The following IGF2R variants were observed in gnomAD, a reference collection of about 807,000 sequenced individuals.
IGF2R encodes the protein cation-independent mannose-6-phosphate receptor.
IGF2R carries 91 observed loss-of-function variants against 270.6 expected under a neutral mutation model. The observed-to-expected ratio is 0.34, with a 90% CI of 0.28 to 0.40. The LOEUF (loss-of-function observed/expected upper bound fraction) is 0.40, where lower values mean the gene tolerates loss of function less well. IGF2R is among the 10% of genes least tolerant of loss of function. The probability of loss-of-function intolerance (pLI) is 1.00; values close to 1 mark genes in which losing one functional copy is unlikely to be tolerated. For missense variants in IGF2R, 2,805 were observed against 3,188.3 expected, an observed-to-expected ratio of 0.88 and a Z score of 2.90; for synonymous variants, 1,316 against 1,258.9, an observed-to-expected ratio of 1.05 and a Z score of -0.96.
chr6:160,000,753 T>TG (rs1562337979), intron 2 of IGF2R, among the ~76,000 whole-genome samples: 10 of 138,126 alleles, frequency 7.2e-5, no homozygotes, highest in African/African-American at 2.4e-4. Context: ...TTTTTTTTTT[T>TG]GAGACAGAAT....
At chr6:160,012,720 G>A (rs1442818853) in intron 4 of IGF2R, among the ~76,000 whole-genome samples, 1 of 148,486 alleles carries the variant, frequency 6.7e-6, no homozygotes, top group Non-Finnish European at 1.5e-5. Context: ...GGGATTACAG[G>A]CATGAGCCAC....
At chr6:160,077,642 G>A (rs1778882750) in intron 36 of IGF2R, among the ~76,000 whole-genome samples, 1 of 152,214 alleles carries the variant, frequency 6.6e-6, no homozygotes, top group African/African-American at 2.4e-5. Flanking sequence ...CATTTTCAAT[G>A]GAAGTACTTT....
chr6:160,041,540 TG>T (rs768970349), intron 11 of IGF2R, among the ~76,000 whole-genome samples: 15 of 152,094 alleles, frequency 9.9e-5, no homozygotes, highest in Non-Finnish European at 1.9e-4. Flanking sequence ...CAAACCACCA[TG>T]GCACATGTAT....
At chr6:160,060,412 C>G (rs183466917) in intron 22 of IGF2R, 135 bp from the exon 23 acceptor site, 2 of 782,812 alleles carry the variant, frequency 2.6e-6, no homozygotes, top group Non-Finnish European at 4.3e-6. Context: ...ACTTGGTGCC[C>G]TGGTGTCATT....
At chr6:160,027,341 G>C in intron 6 of IGF2R, 27 bp downstream of exon 6, 2 of 1,590,338 alleles carry the variant, frequency 1.3e-6, no homozygotes, top group South Asian at 1.1e-5. Flanking sequence ...GATGCTGTTG[G>C]CGTTTTTAAT....
intron 4 of IGF2R, among the ~76,000 whole-genome samples, chr6:160,022,110 A>G (rs1225575985): frequency 1.3e-5 from 2 of 152,072 alleles, no homozygotes; most frequent in African/African-American, 4.8e-5. Flanking sequence ...ATATTGGTGG[A>G]ACTTGAGGCC....
intron 2 of IGF2R, among the ~76,000 whole-genome samples, chr6:160,007,938 T>G (rs1784269454): frequency 1.3e-5 from 2 of 152,250 alleles, no homozygotes; most frequent in Admixed American, 1.3e-4. Context: ...GAAGTTTGGA[T>G]TTTGATGTTT....
intron 1 of IGF2R, among the ~76,000 whole-genome samples, chr6:159,980,199 GAAA>G (rs1783764135): frequency 1.3e-5 from 1 of 76,330 alleles, no homozygotes; most frequent in African/African-American, 5.6e-5. Context: ...AAGAAAGAAA[GAAA>G]GAAAGAAAGA....
At chr6:160,032,467 T>C in intron 7 of IGF2R, 84 bp from the exon 8 acceptor site, 3 of 1,296,138 alleles carry the variant, frequency 2.3e-6, no homozygotes, top group Non-Finnish European at 3.2e-6. Context: ...CAACCTGTCT[T>C]TGAGCTTTTC....
intron 4 of IGF2R, among the ~76,000 whole-genome samples, chr6:160,017,239 C>A (rs569650865): frequency 6.6e-6 from 1 of 152,222 alleles, no homozygotes; most frequent in South Asian, 2.1e-4. Flanking sequence ...TTGAAAGTTT[C>A]AACCATAGAC....
intron 5 of IGF2R, among the ~76,000 whole-genome samples, chr6:160,025,114 G>A (rs776712182): frequency 5.9e-5 from 9 of 152,218 alleles, no homozygotes; most frequent in Non-Finnish European, 1.2e-4. Flanking sequence ...TTTGGCCCAA[G>A]CTGACTTGTT....
At chr6:160,074,052 T>C in intron 35 of IGF2R, 77 bp downstream of exon 35, 1 of 1,027,784 alleles carries the variant, frequency 9.7e-7, no homozygotes, top group Non-Finnish European at 1.5e-6. Flanking sequence ...TTTCTTGCCT[T>C]CAGTGGGGAG....
intron 1 of IGF2R, among the ~76,000 whole-genome samples, chr6:159,970,325 A>C (rs1783591381): frequency 6.6e-6 from 1 of 152,188 alleles, no homozygotes; most frequent in African/African-American, 2.4e-5. Flanking sequence ...AAAGTTTTGA[A>C]CAGACAACAG....
chr6:160,036,953 CA>C (rs1777841036), intron 10 of IGF2R, among the ~76,000 whole-genome samples: 1 of 152,024 alleles, frequency 6.6e-6, no homozygotes. Flanking sequence ...GAAGGCCTCC[CA>C]TAGCTCCATT....
rs143824089 is a variant in IGF2R at position 159,991,308 on chromosome 6, A to T, written c.274A>T (p.Thr92Ser). The change falls in exon 2 of 48, where the codon ACT becomes TCT. Residue 92 changes from threonine to serine, a missense_variant. By Grantham distance (58) the Thr-to-Ser change is moderately conservative. Coordinates refer to ENST00000356956, the MANE Select transcript of IGF2R (RefSeq NM_000876.4). ...AVCMHDLKTR[T>S]YHSVGDSVLR... Reference sequence around the variant, plus strand: ...TTGTATGCACGACTTGAAGACACGCACTTATCATTCAGTGGGTAAGTAGAA... The same window carrying T: ...TTGTATGCACGACTTGAAGACACGCTCTTATCATTCAGTGGGTAAGTAGAA... 4 of 1,610,936 alleles carry T rather than the reference A, an allele frequency of 2.5e-6. No individual in the cohort carries two copies. In the African/African-American group the frequency reaches 5.3e-5, roughly 22 times the overall value.
chr6:159,977,543 G>A (rs1306341955), intron 1 of IGF2R, among the ~76,000 whole-genome samples: 1 of 152,242 alleles, frequency 6.6e-6, no homozygotes, highest in Non-Finnish European at 1.5e-5. Flanking sequence ...TGCTGGCAGC[G>A]TGTGGCCTGA....
At chr6:159,996,678 C>T (rs757276161) in intron 2 of IGF2R, among the ~76,000 whole-genome samples, 2 of 152,160 alleles carry the variant, frequency 1.3e-5, no homozygotes, top group East Asian at 1.9e-4. Context: ...ATGAGAATAT[C>T]GCTGTCTGTC....
At chr6:160,044,389 G>A (rs3798182) in intron 12 of IGF2R, 125 bp from the exon 13 acceptor site, 11 of 891,202 alleles carry the variant, frequency 1.2e-5, no homozygotes, top group Non-Finnish European at 1.7e-5. Context: ...AGGGCTGCAC[G>A]TGCTGGGTTT....
Position 160,058,188 on chromosome 6 carries a change from C to A in IGF2R, c.2898+64C>A. 3 of 1,040,022 alleles carry A rather than the reference C, an allele frequency of 2.9e-6. No individual in the cohort carries two copies. The South Asian group carries it at 3.8e-5, about 13-fold the overall frequency. The allele number at this position is 1,040,022 out of a possible 1,614,324, so 64.4% of individuals were successfully genotyped here. On this transcript the variant is annotated intron_variant, in intron 21 of 47. Transcript: ENST00000356956. Reference sequence around the variant, plus strand: ...CAGGGGGAGAGTGCATTATTGAAGTCACCTGCACGTGGTGATATGAGAGAA... The same window carrying A: ...CAGGGGGAGAGTGCATTATTGAAGTAACCTGCACGTGGTGATATGAGAGAA...
Sources: allele counts gnomAD v4.1 joint callset (sites outside exome capture counted in the v4.1 genomes callset), GRCh38; gene constraint gnomAD v4.1.1; transcripts MANE v1.5; gene names NCBI Gene and HGNC (gene_info 2026-07-23, HGNC 2026-07-21).